ZBTB25: variants seen among roughly 807,000 people sequenced by gnomAD.
ZBTB25 encodes zinc finger and BTB domain containing 25, also known as zinc finger and BTB domain-containing protein 25.
A neutral mutation model predicts 34.2 loss-of-function variants in ZBTB25; 20 were observed. The ratio of observed to expected loss-of-function variants is 0.58; its 90% CI spans 0.41 to 0.85. The LOEUF (loss-of-function observed/expected upper bound fraction) is 0.85. Ranked by LOEUF, ZBTB25 falls within the 40% of genes least tolerant of loss-of-function variation. The probability of loss-of-function intolerance (pLI) is 0.00; values close to 1 mark genes in which losing one functional copy is unlikely to be tolerated. For missense variants in ZBTB25, 437 were observed against 521.8 expected (o/e 0.84, Z 1.58); for synonymous variants, 175 against 186.4 (o/e 0.94, Z 0.50).
At chr14:64,454,901 T>C in intron 2 of ZBTB25, 1 of 1,612,506 alleles carries the variant, frequency 6.2e-7, no homozygotes, top group Non-Finnish European at 8.5e-7. Context: ...AAGGGAGTAG[T>C]GGGCGCATCT....
chr14:64,497,498 A>C (rs1261392597), intron 1 of ZBTB25, among the ~76,000 whole-genome samples: 2 of 151,818 alleles, frequency 1.3e-5, no homozygotes, highest in Admixed American at 1.3e-4. Context: ...AAAATAAAGT[A>C]TTTTATTATA....
chr14:64,483,956 A>AG lies in ZBTB25; in HGVS notation c.*2966_*2967insC, dbSNP rs1364587645. The AG allele has an allele frequency of 1.3e-5, 2 of 150,604 alleles. No individual in the cohort carries two copies. The highest frequency in any genetic ancestry group is 3.8e-4 in the East Asian group (2 of 5,198). The allele number at this position is 150,604 out of a possible 1,614,324, so 9.3% of individuals were successfully genotyped here. A position where few individuals can be genotyped will look rare whatever the true frequency, so the allele number is the denominator to read the frequency against. ...CGACTGTCTCAAAAAAAAAAAAAAAAAAAAAAAAAAAAGCCTGCAGAATAA... is the reference window on the plus strand; with the variant it reads ...CGACTGTCTCAAAAAAAAAAAAAAAAGAAAAAAAAAAAAGCCTGCAGAATAA... On this transcript the variant is annotated 3_prime_UTR_variant, in exon 3 of 3. Coordinates refer to ENST00000608382, the MANE Select transcript of ZBTB25 (RefSeq NM_006977.5).
chr14:64,495,725 G>A (rs1363324430), intron 1 of ZBTB25, among the ~76,000 whole-genome samples: 1 of 152,246 alleles, frequency 6.6e-6, no homozygotes, highest in Admixed American at 6.5e-5. Context: ...GGGAGGCAGA[G>A]GCGGGCAGAT....
chr14:64,455,847 A>G lies in ZBTB25; in HGVS notation c.174-6209T>C, dbSNP rs150230831. Among the ~76,000 whole-genome samples the G allele has an allele frequency of 3.9e-5, 6 of 152,338 alleles. No individual in the cohort carries two copies. In the East Asian group the frequency reaches 9.6e-4, roughly 24 times the overall value. ...GCCCTCAGCTCACACTGTAGGCAAC[A>G]TCATCACATCACAGTGGTGCTTAGC... On this transcript the variant is annotated intron_variant, in intron 2 of 2. Coordinates refer to the ZBTB25 transcript ENST00000555220.
Position 64,479,685 on chromosome 14 carries a change from T to C in ZBTB25, c.*7238A>G, listed in dbSNP as rs1392739867. 6.6e-6 allele frequency: 1 copy of C among 152,226 alleles called. No homozygotes were observed. Among genetic ancestry groups the C allele is most frequent in the African/African-American group, 2.4e-5 (1 of 41,454 alleles). The allele number at this position is 152,226 out of a possible 1,614,324, so 9.4% of individuals were successfully genotyped here. A position where few individuals can be genotyped will look rare whatever the true frequency, so the allele number is the denominator to read the frequency against. ...TGCAATTATCGGTCTTTTCTTCCCT[T>C]TGGACCCAAATGGAAACATCAGCTC... On this transcript the variant is annotated 3_prime_UTR_variant, in exon 3 of 3. Transcript: ENST00000608382.
chr14:64,487,151 T>A lies in ZBTB25; in HGVS notation c.1080A>T (p.Arg360=). The change falls in exon 3 of 3, where the codon CGA becomes CGT. Residue 360 remains arginine, a synonymous_variant. Coordinates refer to ENST00000608382, the MANE Select transcript of ZBTB25 (RefSeq NM_006977.5). The stretch of plus-strand genomic sequence containing the variant: ...ACATGTGTTCCAACAATTGGCTCTT[T>A]CGAGGGAATTTATGACCACAGATGG... ...SCTICGHKFP[R]KSQLLEHMYT... The A allele has an allele frequency of 6.2e-7, 1 of 1,614,164 alleles. No homozygotes were observed. The highest frequency in any genetic ancestry group is 8.5e-7 in the Non-Finnish European group (1 of 1,179,994).
intron 2 of ZBTB25, among the ~76,000 whole-genome samples, chr14:64,490,056 A>C (rs990594223): frequency 2.5e-4 from 38 of 150,480 alleles, no homozygotes; most frequent in African/African-American, 9.3e-4. Context: ...AAAAATACAA[A>C]AATTAACCGG....
chr14:64,465,800 G>A (rs979137483), intron 2 of ZBTB25, among the ~76,000 whole-genome samples: 4 of 152,198 alleles, frequency 2.6e-5, no homozygotes, highest in African/African-American at 9.6e-5. Context: ...ACCCTCATCA[G>A]GTCTGCCCAC....
chr14:64,501,149 T>C (rs372562266), intron 1 of ZBTB25, among the ~76,000 whole-genome samples: 1 of 152,250 alleles, frequency 6.6e-6, no homozygotes, highest in Non-Finnish European at 1.5e-5. Context: ...CTTCCTCCTC[T>C]ATCCCTAAGC....
upstream of ZBTB25, chr14:64,505,054 C>T (rs1321043855): frequency 1.1e-5 from 4 of 372,456 alleles, no homozygotes; most frequent in African/African-American, 4.2e-5. Context: ...CCGATCCGTG[C>T]GGGGAGCCGG....
chr14:64,469,041 T>G (rs1388008960), intron 2 of ZBTB25: 1 of 1,614,074 alleles, frequency 6.2e-7, no homozygotes, highest in African/African-American at 1.3e-5. Flanking sequence ...GAACTTGGAT[T>G]AGATAATGGG....
chr14:64,452,377 G>C (rs1484005303), intron 2 of ZBTB25, among the ~76,000 whole-genome samples: 2 of 152,140 alleles, frequency 1.3e-5, no homozygotes, highest in African/African-American at 2.4e-5. Context: ...TTTGTAATTT[G>C]CTCATCCAAA....
At position 64,466,836 on chromosome 14, in the gene ZBTB25, T is replaced by C. The variant is rs139968666; in HGVS notation, c.174-17198A>G. The stretch of plus-strand genomic sequence containing the variant: ...CACCCACTAAAATTCATAGGATCTT[T>C]GTTGGATAATCACCTCCCATTTCCA... On this transcript the variant is annotated intron_variant, in intron 2 of 2. Coordinates refer to the ZBTB25 transcript ENST00000555220. Among the ~76,000 whole-genome samples the C allele has an allele frequency of 1.9e-3, 292 of 152,354 alleles. 1 individual carries two copies. Among genetic ancestry groups the C allele is most frequent in the African/African-American group, 6.8e-3 (282 of 41,576 alleles).
At chr14:64,489,019 G>A (rs765578359) in intron 2 of ZBTB25, among the ~76,000 whole-genome samples, 1 of 152,202 alleles carries the variant, frequency 6.6e-6, no homozygotes, top group Admixed American at 6.5e-5. Flanking sequence ...GGCCGAGGCA[G>A]GTGGATCATC....
At chr14:64,469,568 T>A in intron 2 of ZBTB25, 1 of 1,613,882 alleles carries the variant, frequency 6.2e-7, no homozygotes, top group Non-Finnish European at 8.5e-7. Flanking sequence ...TGAAACACTC[T>A]TAATTGAAAC....
intron 2 of ZBTB25, among the ~76,000 whole-genome samples, chr14:64,457,040 A>T (rs1397529573): frequency 6.6e-6 from 1 of 152,236 alleles, no homozygotes; most frequent in East Asian, 1.9e-4. Flanking sequence ...AGTCTTTAGA[A>T]AAGTAGTGAG....
In ZBTB25 at chr14:64,481,644, C is replaced by A. The variant is rs2078795078; in HGVS notation, c.*5279G>T. 6.6e-6 allele frequency: 1 copy of A among 152,140 alleles called. No homozygotes were observed. Among genetic ancestry groups the A allele is most frequent in the Non-Finnish European group, 1.5e-5 (1 of 68,022 alleles). The allele number at this position is 152,140 out of a possible 1,614,324, so 9.4% of individuals were successfully genotyped here. A position where few individuals can be genotyped will look rare whatever the true frequency, so the allele number is the denominator to read the frequency against. ...CAATACTTAACTAATTAATCAAGTG[C>A]AGTACAAATACATACTGAAGCACAA... On this transcript the variant is annotated 3_prime_UTR_variant, in exon 3 of 3. Coordinates refer to ENST00000608382, the MANE Select transcript of ZBTB25 (RefSeq NM_006977.5).
Position 64,487,989 on chromosome 14 carries a change from T to C in ZBTB25, c.242A>G (p.Tyr81Cys), listed in dbSNP as rs747623465. ...AATCTGTTTTGGCCCTTTCCCCGTG[T>C]ACATAATGTGCAACAAATAGCTGAA... ...DIFSYLLHIM[Y>C]TGKGPKQIVD... is the part of the protein sequence containing the mutation. Residue 81 changes from tyrosine to cysteine, a missense_variant, in exon 3 of 3, where the codon TAC becomes TGC. Transcript: ENST00000608382. 6.2e-7 allele frequency: 1 copy of C among 1,614,202 alleles called. No homozygotes were observed. Among genetic ancestry groups the C allele is most frequent in the South Asian group, 1.1e-5 (1 of 91,084 alleles).
chr14:64,454,770 G>A (rs747252839), intron 2 of ZBTB25: 2 of 1,613,994 alleles, frequency 1.2e-6, no homozygotes, highest in Admixed American at 3.3e-5. Flanking sequence ...ACTTGTCTTT[G>A]TCTCACAACC....
Sources: gnomAD v4.1 joint callset for allele counts (sites outside exome capture counted in the v4.1 genomes callset) on GRCh38, gnomAD v4.1.1 for gene constraint, MANE v1.5 for transcripts, NCBI Gene and HGNC (gene_info 2026-07-23, HGNC 2026-07-21) for gene names.